PRORP: variants seen among roughly 807,000 people sequenced by gnomAD.
The protein encoded by PRORP is protein only RNase P catalytic subunit.
In PRORP, 51 loss-of-function variants were observed where a neutral mutation model predicts 59.4. The observed-to-expected ratio is 0.86, with a 90% CI of 0.69 to 1.08. PRORP has a LOEUF of 1.08. PRORP is among the 50% of genes least tolerant of loss of function. PRORP has a pLI of 0.00. For synonymous variants in PRORP, 231 were observed against 245.6 expected, an observed-to-expected ratio of 0.94 and a Z score of 0.55; for missense variants, 646 against 690.3, an observed-to-expected ratio of 0.94 and a Z score of 0.72.
At chr14:35,167,588 G>A (rs1191776782) in intron 4 of PRORP, among the ~76,000 whole-genome samples, 1 of 152,076 alleles carries the variant, frequency 6.6e-6, no homozygotes. Flanking sequence ...TTTTCCCCTA[G>A]CTACATTAAG....
chr14:35,160,303 C>G (rs575458130), intron 4 of PRORP, among the ~76,000 whole-genome samples: 5 of 152,200 alleles, frequency 3.3e-5, no homozygotes, highest in African/African-American at 1.2e-4. Context: ...AAAATCACTT[C>G]CCATTTCCTT....
chr14:35,262,950 A>G (rs1210893190), intron 5 of PRORP: 51 of 1,598,014 alleles, frequency 3.2e-5, no homozygotes, highest in South Asian at 2.2e-4. Context: ...TCAGCAAGCC[A>G]CGACAGTTAA....
intron 3 of PRORP, among the ~76,000 whole-genome samples, 161 bp from the exon 4 acceptor site, chr14:35,127,315 ATAT>A (rs1394959473): frequency 1.3e-5 from 2 of 151,362 alleles, no homozygotes; most frequent in African/African-American, 2.4e-5. Flanking sequence ...CTAATTTGTG[ATAT>A]TATCAGGTTT....
chr14:35,198,760 G>A (rs762778444), intron 5 of PRORP, among the ~76,000 whole-genome samples: 1 of 152,236 alleles, frequency 6.6e-6, no homozygotes, highest in African/African-American at 2.4e-5. Flanking sequence ...AGGGCTGGGC[G>A]CAGTGGCTCA....
In PRORP at chr14:35,211,376, A is replaced by G. The variant is rs185346175; in HGVS notation, c.1275+30599A>G. 1.2e-3 allele frequency among the ~76,000 whole-genome samples: 188 copies of G among 152,314 alleles called. 1 individual carries two copies. The highest frequency in any genetic ancestry group is 2.2e-3 in the Admixed American group (33 of 15,294). On this transcript the variant is annotated intron_variant, in intron 5 of 7. Transcript: ENST00000534898. The stretch of plus-strand genomic sequence containing the variant: ...GACTTGGCCTCTTTTATTTACTGCT[A>G]TATTCCCAGCACCTAAGACCATGCC...
At chr14:35,150,955 ATCTTTCTTACAGCGAGT>A (rs1224842638) in intron 4 of PRORP, among the ~76,000 whole-genome samples, 2 of 152,204 alleles carry the variant, frequency 1.3e-5, no homozygotes, top group Non-Finnish European at 2.9e-5. Context: ...AGAGAGTCTT[ATCTTTCTTACAGCGAGT>A]GATCTTTTCT....
At chr14:35,242,978 C>A (rs749155653) in intron 5 of PRORP, among the ~76,000 whole-genome samples, 8 of 152,136 alleles carry the variant, frequency 5.3e-5, no homozygotes, top group Non-Finnish European at 8.8e-5. Context: ...CATGGTATAT[C>A]TGTGTTTGTT....
chr14:35,169,662 A>G (rs981004334), intron 4 of PRORP, among the ~76,000 whole-genome samples: 1 of 151,902 alleles, frequency 6.6e-6, no homozygotes, highest in Non-Finnish European at 1.5e-5. Context: ...AACCACCCCC[A>G]TAATCTAAAC....
chr14:35,204,409 T>G (rs2049238231), intron 5 of PRORP, among the ~76,000 whole-genome samples: 1 of 152,216 alleles, frequency 6.6e-6, no homozygotes, highest in South Asian at 2.1e-4. Context: ...CTAGTTACTT[T>G]ATGATTTTAA....
chr14:35,141,407 G>A (rs1566451623), intron 4 of PRORP, among the ~76,000 whole-genome samples: 1 of 143,568 alleles, frequency 7.0e-6, no homozygotes, highest in Non-Finnish European at 1.5e-5. Flanking sequence ...ATTCAGGTGT[G>A]TACCATCACA....
rs1408803090 is a variant in PRORP at position 35,122,620 on chromosome 14, C to A, written c.-310C>A. On this transcript the variant is annotated 5_prime_UTR_variant, in exon 1 of 8. Coordinates refer to ENST00000534898, the MANE Select transcript of PRORP (RefSeq NM_014672.4). ...TTGAGTTGTTGAATGAAGTGAACTTCATTTGTCAGCGTTCGGTACGCAGTC... is the reference window on the plus strand; with the variant it reads ...TTGAGTTGTTGAATGAAGTGAACTTAATTTGTCAGCGTTCGGTACGCAGTC... 6.5e-6 allele frequency: 1 copy of A among 154,412 alleles called. No homozygotes were observed. The highest frequency in any genetic ancestry group is 1.4e-5 in the Non-Finnish European group (1 of 69,276). 9.6% of individuals were successfully genotyped at this position (154,412 alleles called of 1,614,324 possible).
At chr14:35,160,592 A>G (rs1333313914) in intron 4 of PRORP, among the ~76,000 whole-genome samples, 1 of 152,214 alleles carries the variant, frequency 6.6e-6, no homozygotes, top group East Asian at 1.9e-4. Flanking sequence ...CTGTGGGAAC[A>G]TTGAAAACTT....
rs192043968 is a variant in PRORP at position 35,205,405 on chromosome 14, G to A, written c.1275+24628G>A. Among the ~76,000 whole-genome samples the A allele has an allele frequency of 9.9e-5, 15 of 152,254 alleles. No individual in the cohort carries two copies. In the East Asian group the frequency reaches 2.9e-3, roughly 29 times the overall value. The stretch of plus-strand genomic sequence containing the variant: ...AGGTTTCACCATGTTGGCCAGACTG[G>A]TCTCGAACTCCTGACCTCAGGCAAT... On this transcript the variant is annotated intron_variant, in intron 5 of 7. Transcript: ENST00000534898.
chr14:35,186,338 T>C (rs1566484702), intron 5 of PRORP, among the ~76,000 whole-genome samples: 1 of 127,724 alleles, frequency 7.8e-6, no homozygotes, highest in Non-Finnish European at 1.7e-5. Flanking sequence ...AATTCTTTAA[T>C]GGTTGTATTT....
rs546307234 is a variant in PRORP, at chr14:35,157,252, G to T, written c.1168-23418G>T. Among the ~76,000 whole-genome samples the T allele has an allele frequency of 2.5e-3, 382 of 152,096 alleles. 1 individual carries two copies. The highest frequency in any genetic ancestry group is 8.2e-3 in the African/African-American group (342 of 41,502). The stretch of plus-strand genomic sequence containing the variant: ...TTACAGGCGTGAGCCACCGCGCCCG[G>T]ACGTTCATTTTTTTCAAAATATACT... On this transcript the variant is annotated intron_variant, in intron 4 of 7. Coordinates refer to ENST00000534898, the MANE Select transcript of PRORP (RefSeq NM_014672.4).
chr14:35,154,632 G>A (rs747192990), intron 4 of PRORP, among the ~76,000 whole-genome samples: 10 of 150,594 alleles, frequency 6.6e-5, no homozygotes, highest in Non-Finnish European at 1.3e-4. Flanking sequence ...CACCTCAAGG[G>A]TACAATTACC....
In PRORP at chr14:35,141,693, A is replaced by G. The variant is rs534630213; in HGVS notation, c.1167+14082A>G. On this transcript the variant is annotated intron_variant, in intron 4 of 7. Coordinates refer to ENST00000534898, the MANE Select transcript of PRORP (RefSeq NM_014672.4). ...AATCAAAAAGAGACTAACATAATGG[A>G]CCCCCATCCTCCATGATTATTAACT... is the stretch of plus-strand genomic sequence containing the variant. Among the ~76,000 whole-genome samples the G allele has an allele frequency of 4.2e-4, 61 of 145,040 alleles. 7 individuals are homozygous for G. Among genetic ancestry groups the G allele is most frequent in the Non-Finnish European group, 6.7e-4 (44 of 65,276 alleles).
chr14:35,219,472 A>T (rs545485663), intron 5 of PRORP, among the ~76,000 whole-genome samples: 1 of 152,352 alleles, frequency 6.6e-6, no homozygotes, highest in South Asian at 2.1e-4. Flanking sequence ...GCATTTATGA[A>T]AACTGTTGGC....
At chr14:35,158,379 G>GA (rs2047972511) in intron 4 of PRORP, 2 of 305,266 alleles carry the variant, frequency 6.6e-6, no homozygotes, top group South Asian at 9.7e-5. Context: ...ACACCCCAAG[G>GA]ATACTGCCTT....
Sources: allele counts gnomAD v4.1 joint callset (sites outside exome capture counted in the v4.1 genomes callset), GRCh38; gene constraint gnomAD v4.1.1; transcripts MANE v1.5; gene names NCBI Gene and HGNC (gene_info 2026-07-23, HGNC 2026-07-21).